Variants in GRID2 observed in about 807,000 individuals in gnomAD.
GRID2 encodes the protein glutamate ionotropic receptor delta type subunit 2.
In GRID2, 33 loss-of-function variants were observed where a neutral mutation model predicts 114.8. The observed-to-expected ratio is 0.29, with a 90% confidence interval of 0.22 to 0.38. The LOEUF (loss-of-function observed/expected upper bound fraction) is 0.38. Ranked by LOEUF, GRID2 falls within the 10% of genes least tolerant of loss-of-function variation. The pLI, the probability that GRID2 is intolerant of heterozygous loss-of-function variation, is 1.00. For synonymous variants in GRID2, 505 were observed against 449.9 expected, an observed-to-expected ratio of 1.12 and a Z score of -1.55; for missense variants, 1,184 against 1,257.7, an observed-to-expected ratio of 0.94 and a Z score of 0.89.
chr4:92,527,782 A>G (rs968169718), intron 1 of GRID2, among the ~76,000 whole-genome samples: 13 of 152,056 alleles, frequency 8.5e-5, no homozygotes, highest in African/African-American at 2.4e-4. Context: ...AGAGTGTAAC[A>G]TTTGTTTATA....
intron 2 of GRID2, among the ~76,000 whole-genome samples, chr4:92,648,735 T>G (rs1255379322): frequency 2.0e-5 from 3 of 148,988 alleles, no homozygotes; most frequent in Non-Finnish European, 4.4e-5. Context: ...CACAACCATT[T>G]TAGTATGATT....
chr4:93,073,587 A>G (rs938964072), intron 2 of GRID2, among the ~76,000 whole-genome samples: 8 of 152,096 alleles, frequency 5.3e-5, no homozygotes, highest in Admixed American at 4.6e-4. Flanking sequence ...TGCATTGTTC[A>G]AGGGTTGACT....
chr4:92,592,741 A>G (rs1443272284), intron 2 of GRID2, among the ~76,000 whole-genome samples: 1 of 152,068 alleles, frequency 6.6e-6, no homozygotes, highest in Non-Finnish European at 1.5e-5. Context: ...AGTTCCAGGA[A>G]GCTTTAAAGA....
At chr4:92,548,031 G>A (rs1019031944) in intron 1 of GRID2, among the ~76,000 whole-genome samples, 1 of 151,932 alleles carries the variant, frequency 6.6e-6, no homozygotes, top group Non-Finnish European at 1.5e-5. Flanking sequence ...AAAAGAGTAG[G>A]CAACAATAAT....
intron 2 of GRID2, among the ~76,000 whole-genome samples, chr4:92,841,652 G>C (rs1205999326): frequency 2.0e-5 from 3 of 152,050 alleles, no homozygotes; most frequent in Non-Finnish European, 4.4e-5. Flanking sequence ...ATGCTCTCCA[G>C]TTCTCTGTGG....
At position 93,327,736 on chromosome 4, in the gene GRID2, G is replaced by T. The variant is rs536431573; in HGVS notation, c.1246-67871G>T. Among the ~76,000 whole-genome samples the T allele has an allele frequency of 2.0e-5, 3 of 151,796 alleles. No individual in the cohort carries two copies. The South Asian group carries it at 6.3e-4, about 32-fold the overall frequency. The stretch of plus-strand genomic sequence containing the variant: ...GAAAGGTAGAAAATGGAGACTGGAA[G>T]GGTGGGGGTCAAGTGGGGGGATGAT... On this transcript the variant is annotated intron_variant, in intron 8 of 15. Coordinates refer to ENST00000282020, the MANE Select transcript of GRID2 (RefSeq NM_001510.4).
chr4:92,498,417 T>C (rs1477138134), intron 1 of GRID2, among the ~76,000 whole-genome samples: 2 of 152,074 alleles, frequency 1.3e-5, no homozygotes, highest in East Asian at 1.9e-4. Context: ...ATTAAGGGTA[T>C]ATCTGTCAAT....
chr4:92,448,921 G>T (rs929585663), intron 1 of GRID2, among the ~76,000 whole-genome samples: 1 of 151,952 alleles, frequency 6.6e-6, no homozygotes, highest in Non-Finnish European at 1.5e-5. Context: ...TTTCATCCTT[G>T]ATATTTATTT....
intron 13 of GRID2, among the ~76,000 whole-genome samples, chr4:93,587,457 T>C (rs1047414180): frequency 3.3e-5 from 5 of 152,122 alleles, no homozygotes; most frequent in African/African-American, 1.2e-4. Context: ...CAAAGTGACA[T>C]GTACTGCTAA....
At chr4:93,098,922 A>C (rs565704362) in intron 3 of GRID2, among the ~76,000 whole-genome samples, 33 of 151,630 alleles carry the variant, frequency 2.2e-4, no homozygotes, top group African/African-American at 7.0e-4. Context: ...ATTCTCAGTC[A>C]AGTTAGCAGA....
intron 13 of GRID2, among the ~76,000 whole-genome samples, chr4:93,617,159 A>G (rs1333351739): frequency 2.6e-5 from 4 of 152,228 alleles, no homozygotes; most frequent in African/African-American, 9.6e-5. Flanking sequence ...CTATAGAGTA[A>G]GAGGCCAACA....
chr4:92,862,129 C>G (rs1183397103), intron 2 of GRID2, among the ~76,000 whole-genome samples: 2 of 151,984 alleles, frequency 1.3e-5, no homozygotes, highest in African/African-American at 4.8e-5. Context: ...AAAGGGTACT[C>G]TGGATATTTA....
chr4:93,497,076 T>C (rs960486159), intron 12 of GRID2, among the ~76,000 whole-genome samples: 1 of 151,550 alleles, frequency 6.6e-6, no homozygotes, highest in African/African-American at 2.4e-5. Flanking sequence ...GCCTTGCTGA[T>C]AGGTATGTGG....
At chr4:93,294,461 A>AGAGT (rs1357454799) in intron 8 of GRID2, among the ~76,000 whole-genome samples, 1 of 151,612 alleles carries the variant, frequency 6.6e-6, no homozygotes, top group Non-Finnish European at 1.5e-5. Context: ...AGAGAGAGAG[A>AGAGT]GTGTGTGTGT....
In GRID2 at chr4:92,949,410, A is replaced by G. The variant is rs114042826; in HGVS notation, c.245-135585A>G. On this transcript the variant is annotated intron_variant, in intron 2 of 15. Transcript: ENST00000282020. ...TGTGCCATGTTGGTGTGCTGCACCCAGTAACTCATCGTTTAACATTAGGCA... is the reference window on the plus strand; with the variant it reads ...TGTGCCATGTTGGTGTGCTGCACCCGGTAACTCATCGTTTAACATTAGGCA... 5.9e-3 allele frequency among the ~76,000 whole-genome samples: 901 copies of G among 152,212 alleles called. 6 individuals carry two copies. Among genetic ancestry groups the G allele is most frequent in the Non-Finnish European group, 8.9e-3 (608 of 67,996 alleles).
At chr4:93,548,101 C>G (rs545540213) in intron 13 of GRID2, among the ~76,000 whole-genome samples, 1 of 151,870 alleles carries the variant, frequency 6.6e-6, no homozygotes, top group Admixed American at 6.6e-5. Flanking sequence ...CACTTCAACC[C>G]GGGAGACGGA....
intron 2 of GRID2, among the ~76,000 whole-genome samples, chr4:92,629,905 T>C (rs1378366470): frequency 1.4e-5 from 2 of 147,726 alleles, no homozygotes; most frequent in African/African-American, 4.9e-5. Flanking sequence ...TACATATTTA[T>C]AAATTATATA....
intron 2 of GRID2, among the ~76,000 whole-genome samples, chr4:93,035,831 C>T (rs533276322): frequency 6.6e-6 from 1 of 152,250 alleles, no homozygotes; most frequent in Admixed American, 6.5e-5. Flanking sequence ...ACTCTTTAAC[C>T]TAATCTCAGG....
rs527772577 is a variant in GRID2 at position 92,856,470 on chromosome 4, G to A, written c.245-228525G>A. 1.2e-4 allele frequency among the ~76,000 whole-genome samples: 18 copies of A among 152,200 alleles called. No individual in the cohort carries two copies. The South Asian group carries it at 3.7e-3, about 32-fold the overall frequency. ...AACTGCACCTTTGGAAAGCATAATA[G>A]GGTCAAAAATACAAGTAAATTTGTG... On this transcript the variant is annotated intron_variant, in intron 2 of 15. Coordinates refer to ENST00000282020, the MANE Select transcript of GRID2 (RefSeq NM_001510.4).
Sources: allele counts gnomAD v4.1 joint callset (sites outside exome capture counted in the v4.1 genomes callset), GRCh38; gene constraint gnomAD v4.1.1; transcripts MANE v1.5; gene names NCBI Gene and HGNC (gene_info 2026-07-23, HGNC 2026-07-21).